MAP2K5: variants seen among roughly 807,000 people sequenced by gnomAD.
MAP2K5 encodes dual specificity mitogen-activated protein kinase kinase 5.
Under a neutral mutation model 83.1 loss-of-function variants are expected in MAP2K5, and 49 were observed. That is an observed-to-expected ratio of 0.59 (90% CI 0.47 to 0.75). The LOEUF (loss-of-function observed/expected upper bound fraction) is 0.75. Ranked by LOEUF, MAP2K5 falls within the 30% of genes least tolerant of loss-of-function variation. The probability of loss-of-function intolerance (pLI) is 0.00; values close to 1 mark genes in which losing one functional copy is unlikely to be tolerated. For synonymous variants in MAP2K5, 202 were observed against 191.8 expected (o/e 1.05, Z -0.44); for missense variants, 457 against 557.5 (o/e 0.82, Z 1.82).
At chr15:67,664,748 A>T (rs1336216736) in intron 13 of MAP2K5, 103 bp downstream of exon 13, 2 of 701,216 alleles carry the variant, frequency 2.9e-6, no homozygotes, top group African/African-American at 1.8e-5. Context: ...AAGCCAGCTG[A>T]TACATCTGGT....
intron 21 of MAP2K5, among the ~76,000 whole-genome samples, chr15:67,784,303 G>A (rs1276885592): frequency 6.6e-6 from 1 of 152,228 alleles, no homozygotes; most frequent in African/African-American, 2.4e-5. Flanking sequence ...ATAGTAGGCA[G>A]AGGATTGTTA....
At chr15:67,647,738 C>T (rs566623647) in intron 11 of MAP2K5, among the ~76,000 whole-genome samples, 3 of 152,124 alleles carry the variant, frequency 2.0e-5, no homozygotes, top group South Asian at 2.1e-4. Flanking sequence ...GGTGTGGTAG[C>T]GCATACCTGT....
rs186118643 is a variant in MAP2K5, at chr15:67,791,635, A to C, written c.1243-15011A>C. ...GTTTGGGAGCTGACATCCAGTGCAA[A>C]TCCCAGCTCTACCTTGGCCAAATCC... On this transcript the variant is annotated intron_variant, in intron 21 of 21. Coordinates refer to ENST00000178640, the MANE Select transcript of MAP2K5 (RefSeq NM_145160.3). Among the ~76,000 whole-genome samples the C allele has an allele frequency of 9.9e-5, 15 of 152,280 alleles. No homozygotes were observed. The East Asian group carries it at 2.9e-3, about 29-fold the overall frequency.
chr15:67,724,453 G>T lies in MAP2K5; in HGVS notation c.1045-3463G>T, dbSNP rs993820534. Among the ~76,000 whole-genome samples, 3 of 151,800 alleles carry T rather than the reference G, an allele frequency of 2.0e-5. No individual in the cohort carries two copies. Among genetic ancestry groups the T allele is most frequent in the Non-Finnish European group, 4.4e-5 (3 of 67,972 alleles). ...CTCTTGCTCAGTCTGGAATGCAATG[G>T]CATGGTCAAGGCTCACTGCAGTCTC... On this transcript the variant is annotated intron_variant, in intron 16 of 21. Transcript: ENST00000178640. The surrounding 1 kb of genome is among the most constrained non-coding windows in gnomAD (Gnocchi z 4.4).
intron 17 of MAP2K5, among the ~76,000 whole-genome samples, chr15:67,733,223 A>G (rs1466904838): frequency 6.6e-6 from 1 of 152,216 alleles, no homozygotes; most frequent in Admixed American, 6.5e-5. Flanking sequence ...TCTGATGTTT[A>G]TACAACCGCC....
intron 13 of MAP2K5, 63 bp downstream of exon 13, chr15:67,664,708 T>A: frequency 9.4e-7 from 1 of 1,065,154 alleles, no homozygotes; most frequent in Non-Finnish European, 1.4e-6. Context: ...TCCAGATACC[T>A]TGATTTTTAA....
At chr15:67,737,308 C>A (rs2089363960) in intron 17 of MAP2K5, among the ~76,000 whole-genome samples, 1 of 152,132 alleles carries the variant, frequency 6.6e-6, no homozygotes, top group Non-Finnish European at 1.5e-5. Flanking sequence ...TTATTATACT[C>A]CAGTGTTTTA....
chr15:67,647,600 A>G (rs2086856966), intron 11 of MAP2K5, among the ~76,000 whole-genome samples: 1 of 151,870 alleles, frequency 6.6e-6, no homozygotes, highest in African/African-American at 2.4e-5. Flanking sequence ...ATTTTTAAAA[A>G]TATGGCCGGG....
At chr15:67,696,040 G>T (rs1385351984) in intron 15 of MAP2K5, among the ~76,000 whole-genome samples, 2 of 151,922 alleles carry the variant, frequency 1.3e-5, no homozygotes, top group Non-Finnish European at 2.9e-5. Context: ...GGGGTGGGGG[G>T]AGGTGGAAAT....
Position 67,543,440 on chromosome 15 carries a change from C to T in MAP2K5, c.105C>T (p.Ser35=), listed in dbSNP as rs41306690. 2.0e-5 allele frequency: 32 copies of T among 1,614,122 alleles called. No homozygotes were observed. Among genetic ancestry groups the T allele is most frequent in the Non-Finnish European group, 2.4e-5 (28 of 1,180,026 alleles). Residue 35 remains serine, a synonymous_variant, in exon 1 of 22, where the codon TCC becomes TCT. Coordinates refer to ENST00000178640, the MANE Select transcript of MAP2K5 (RefSeq NM_145160.3). This position sits in a 1 kb window ranked among gnomAD's most constrained non-coding sequence, Gnocchi z 4.3. Reference sequence around the variant, plus strand: ...GCGCGGTGGACTGGACAGTGCACTCCGGGCCGCAGTTACTCTTCAGGGATG... The same window carrying T: ...GCGCGGTGGACTGGACAGTGCACTCTGGGCCGCAGTTACTCTTCAGGGATG... ...NSGAVDWTVH[S]GPQLLFRDVL...
chr15:67,642,349 T>G, intron 9 of MAP2K5: 1 of 1,263,088 alleles, frequency 7.9e-7, no homozygotes, highest in Non-Finnish European at 1.1e-6. Flanking sequence ...GATAGAAAAA[T>G]GTACAAGACT....
chr15:67,605,796 G>A (rs562603667), intron 8 of MAP2K5, among the ~76,000 whole-genome samples: 28 of 152,094 alleles, frequency 1.8e-4, no homozygotes, highest in Non-Finnish European at 3.5e-4. Context: ...GGTACGTCTT[G>A]GCTAAAATGA....
intron 9 of MAP2K5, among the ~76,000 whole-genome samples, chr15:67,632,512 G>A (rs1010541298): frequency 6.6e-6 from 1 of 152,230 alleles, no homozygotes; most frequent in African/African-American, 2.4e-5. Flanking sequence ...AGATCACAGA[G>A]TTGGAAGGGG....
At chr15:67,658,113 C>T (rs1410661445) in intron 11 of MAP2K5, among the ~76,000 whole-genome samples, 2 of 151,940 alleles carry the variant, frequency 1.3e-5, no homozygotes, top group African/African-American at 2.4e-5. Flanking sequence ...TAATGAGCAA[C>T]GTAGTGGTTC....
chr15:67,707,690 G>A (rs1365438918), intron 16 of MAP2K5, among the ~76,000 whole-genome samples: 2 of 152,142 alleles, frequency 1.3e-5, no homozygotes, highest in African/African-American at 4.8e-5. Context: ...CAAGGGGAAG[G>A]GGGTGGGGTT....
At chr15:67,628,494 TAAAAAA>T (rs1454865059) in intron 8 of MAP2K5, 1 of 676,544 alleles carries the variant, frequency 1.5e-6, no homozygotes, top group Non-Finnish European at 2.5e-6. Context: ...AAAATAAAAA[TAAAAAA>T]TAAAAAAAAG....
At chr15:67,709,003 G>A (rs1296289401) in intron 16 of MAP2K5, among the ~76,000 whole-genome samples, 1 of 152,160 alleles carries the variant, frequency 6.6e-6, no homozygotes, top group African/African-American at 2.4e-5. Context: ...CAAAAAGATG[G>A]AAGTTATCCT....
At chr15:67,556,142 T>G (rs2140954398) in intron 2 of MAP2K5, among the ~76,000 whole-genome samples, 1 of 152,324 alleles carries the variant, frequency 6.6e-6, no homozygotes, top group African/African-American at 2.4e-5. Flanking sequence ...TTTTTCTATT[T>G]GGTTATTTAT....
chr15:67,651,524 C>T (rs1339390991), intron 11 of MAP2K5, among the ~76,000 whole-genome samples: 2 of 152,200 alleles, frequency 1.3e-5, no homozygotes, highest in African/African-American at 2.4e-5. Context: ...CTTTGTCCTT[C>T]CTTTCTCACT....
Sources: gnomAD v4.1 joint callset for allele counts (sites outside exome capture counted in the v4.1 genomes callset) on GRCh38, gnomAD v4.1.1 for gene constraint, Gnocchi (gnomAD v3.1) non-coding constraint, MANE v1.5 for transcripts, NCBI Gene and HGNC (gene_info 2026-07-23, HGNC 2026-07-21) for gene names.